Variants in USP19 observed in about 807,000 individuals in gnomAD.
USP19 encodes ubiquitin carboxyl-terminal hydrolase 19.
Under a neutral mutation model 144.8 loss-of-function variants are expected in USP19, and 40 were observed. That is an observed-to-expected ratio of 0.28 (90% CI 0.21 to 0.36). The LOEUF is 0.36. Ranked by LOEUF, USP19 falls within the 10% of genes least tolerant of loss-of-function variation. The pLI, the probability that USP19 is intolerant of heterozygous loss-of-function variation, is 1.00. For synonymous variants in USP19, 701 were observed against 709.3 expected (o/e 0.99, Z 0.19); for missense variants, 1,518 against 1,822.5 (o/e 0.83, Z 3.04).
rs1276510905 is a variant in USP19 at position 49,115,130 on chromosome 3, G to A, written c.2023-13C>T. The A allele has an allele frequency of 6.2e-7, 1 of 1,613,392 alleles. No homozygotes were observed. Among genetic ancestry groups the A allele is most frequent in the South Asian group, 1.1e-5 (1 of 91,078 alleles). On this transcript the variant is annotated splice_polypyrimidine_tract_variant and intron_variant, in intron 13 of 26. Coordinates refer to ENST00000417901, the MANE Select transcript of USP19 (RefSeq NM_001199161.2). This position sits in a 1 kb window ranked among gnomAD's most constrained non-coding sequence, Gnocchi z 6.6. The stretch of plus-strand genomic sequence containing the variant: ...TCGCCACAATGGCCTGGATACAGGA[G>A]CCAAGGTGTGAACATGAAGCCCTAG...
At position 49,114,364 on chromosome 3, in the gene USP19, G is replaced by A; in HGVS notation, c.2293-80C>T. ...CTCATGCTCAGAGAGCCCATTCCGGGGCTTCTGATGGCTCTCAGGGCCCCC... is the reference window on the plus strand; with the variant it reads ...CTCATGCTCAGAGAGCCCATTCCGGAGCTTCTGATGGCTCTCAGGGCCCCC... On this transcript the variant is annotated intron_variant, in intron 15 of 26. Coordinates refer to ENST00000417901, the MANE Select transcript of USP19 (RefSeq NM_001199161.2). The surrounding 1 kb of genome is among the most constrained non-coding windows in gnomAD (Gnocchi z 4.5). 2 of 1,370,100 alleles carry A rather than the reference G, an allele frequency of 1.5e-6. No individual in the cohort carries two copies. The highest frequency in any genetic ancestry group is 2.0e-6 in the Non-Finnish European group (2 of 982,354). 84.9% of individuals were successfully genotyped at this position (1,370,100 alleles called of 1,614,324 possible). A position where few individuals can be genotyped will look rare whatever the true frequency, so the allele number is the denominator to read the frequency against.
chr3:49,113,965 T>C, intron 17 of USP19, 27 bp downstream of exon 17: 12 of 1,611,048 alleles, frequency 7.4e-6, no homozygotes, highest in Non-Finnish European at 1.0e-5. Flanking sequence ...TCCACACATG[T>C]GATAGCCCAA....
At position 49,108,845 on chromosome 3, in the gene USP19, C is replaced by G; in HGVS notation, c.4039-317G>C. On this transcript the variant is annotated intron_variant, in intron 26 of 26. Transcript: ENST00000417901. The surrounding 1 kb of genome is among the most constrained non-coding windows in gnomAD (Gnocchi z 4.8). The stretch of plus-strand genomic sequence containing the variant: ...GGGGCCACAACCTCCCCACCCTCTC[C>G]CACCAGATGCATAAGCTGAGGCCCA... 2.7e-6 allele frequency: 4 copies of G among 1,457,950 alleles called. No homozygotes were observed. Among genetic ancestry groups the G allele is most frequent in the Non-Finnish European group, 3.6e-6 (4 of 1,103,656 alleles). 90.3% of individuals were successfully genotyped at this position (1,457,950 alleles called of 1,614,324 possible).
chr3:49,114,165 A>C lies in USP19; in HGVS notation c.2403+9T>G. ...AGAACAGCCCAGAGGGTAGGGGCTTACTCCTCACCTTGATGGGCTTGCTGT... is the reference window on the plus strand; with the variant it reads ...AGAACAGCCCAGAGGGTAGGGGCTTCCTCCTCACCTTGATGGGCTTGCTGT... On this transcript the variant is annotated intron_variant, in intron 16 of 26. Transcript: ENST00000417901. The surrounding 1 kb of genome is among the most constrained non-coding windows in gnomAD (Gnocchi z 4.5). 1 of 1,614,030 alleles carries C rather than the reference A, an allele frequency of 6.2e-7. No individual in the cohort carries two copies. Among genetic ancestry groups the C allele is most frequent in the Non-Finnish European group, 8.5e-7 (1 of 1,179,954 alleles).
Position 49,108,653 on chromosome 3 carries a change from G to C in USP19, c.4039-125C>G. The C allele has an allele frequency of 7.8e-7, 1 of 1,281,786 alleles. No homozygotes were observed. Among genetic ancestry groups the C allele is most frequent in the South Asian group, 2.5e-5 (1 of 40,206 alleles). The allele number at this position is 1,281,786 out of a possible 1,614,324, so 79.4% of individuals were successfully genotyped here. A position where few individuals can be genotyped will look rare whatever the true frequency, so the allele number is the denominator to read the frequency against. ...CAAGGCAGGCGCAGACAGCAGCGGC[G>C]TTGAGACAGAGAGACGAGATTGGGC... On this transcript the variant is annotated intron_variant, in intron 26 of 26. Coordinates refer to ENST00000417901, the MANE Select transcript of USP19 (RefSeq NM_001199161.2). The surrounding 1 kb of genome is among the most constrained non-coding windows in gnomAD (Gnocchi z 4.8).
In USP19 at chr3:49,108,467, G is replaced by A. The variant is rs1414642936; in HGVS notation, c.4100C>T (p.Ala1367Val). The A allele has an allele frequency of 7.4e-7, 1 of 1,351,054 alleles. No individual in the cohort carries two copies. The highest frequency in any genetic ancestry group is 9.6e-7 in the Non-Finnish European group (1 of 1,040,370). 83.7% of individuals were successfully genotyped at this position (1,351,054 alleles called of 1,614,324 possible). The change falls in exon 27 of 27, where the codon GCC (alanine) becomes GTC (valine). Residue 1367 changes from alanine (A) to valine (V), a missense_variant. Coordinates refer to ENST00000417901, the MANE Select transcript of USP19 (RefSeq NM_001199161.2). The surrounding 1 kb of genome is among the most constrained non-coding windows in gnomAD (Gnocchi z 4.8). ...GGGGGCTGGCCGATCCACAGGGGGGGCGAAGCGTTCAGGGGCTGTCCGCGT... is the reference window on the plus strand; with the variant it reads ...GGGGGCTGGCCGATCCACAGGGGGGACGAAGCGTTCAGGGGCTGTCCGCGT... ...APTRTAPERF[A>V]PPVDRPAPTY...
chr3:49,111,506 G>A lies in USP19; in HGVS notation c.3211C>T (p.Pro1071Ser). Residue 1071 changes from proline to serine, a missense_variant, in exon 21 of 27, where the codon CCC becomes TCC. Transcript: ENST00000417901. This position sits in a 1 kb window ranked among gnomAD's most constrained non-coding sequence, Gnocchi z 5.9. ...SLPAGERVSR[P>S]EAAVPGYQHP... Reference sequence around the variant, plus strand: ...GCCTTTCACTGGATCTTACCTTCGGGTCGGGACACCCTCTCGCCAGCTGGC... The same window carrying A: ...GCCTTTCACTGGATCTTACCTTCGGATCGGGACACCCTCTCGCCAGCTGGC... The A allele has an allele frequency of 3.7e-6, 6 of 1,611,472 alleles. No individual in the cohort carries two copies. Among genetic ancestry groups the A allele is most frequent in the Non-Finnish European group, 5.1e-6 (6 of 1,179,844 alleles).
In USP19 at chr3:49,115,120, G is replaced by A. The variant is rs373285608; in HGVS notation, c.2023-3C>T. On this transcript the variant is annotated splice_polypyrimidine_tract_variant and splice_region_variant and intron_variant, in intron 13 of 26. Transcript: ENST00000417901. The surrounding 1 kb of genome is among the most constrained non-coding windows in gnomAD (Gnocchi z 6.6). Reference sequence around the variant, plus strand: ...CTGGCCTTACTCGCCACAATGGCCTGGATACAGGAGCCAAGGTGTGAACAT... The same window carrying A: ...CTGGCCTTACTCGCCACAATGGCCTAGATACAGGAGCCAAGGTGTGAACAT... 4 of 1,613,524 alleles carry A rather than the reference G, an allele frequency of 2.5e-6. No homozygotes were observed. The highest frequency in any genetic ancestry group is 1.3e-5 in the African/African-American group (1 of 74,908).
At position 49,112,993 on chromosome 3, in the gene USP19, C is replaced by T. The variant is rs917563178; in HGVS notation, c.2506-364G>A. ...TTACCCCTAAGAAAACCAACACTGT[C>T]AGGCTAAAGGCTAGGAACCCCTGGG... On this transcript the variant is annotated intron_variant, in intron 17 of 26. Transcript: ENST00000417901. This position sits in a 1 kb window ranked among gnomAD's most constrained non-coding sequence, Gnocchi z 4.9. Among the ~76,000 whole-genome samples the T allele has an allele frequency of 6.6e-6, 1 of 152,190 alleles. No homozygotes were observed. The highest frequency in any genetic ancestry group is 1.5e-5 in the Non-Finnish European group (1 of 68,030).
chr3:49,116,392 G>C lies in USP19; in HGVS notation c.1284-41C>G. The C allele has an allele frequency of 6.2e-7, 1 of 1,614,068 alleles. No individual in the cohort carries two copies. On this transcript the variant is annotated intron_variant, in intron 8 of 26. Coordinates refer to ENST00000417901, the MANE Select transcript of USP19 (RefSeq NM_001199161.2). The surrounding 1 kb of genome is among the most constrained non-coding windows in gnomAD (Gnocchi z 5.0). ...AGGATAGGAGGAAGGACAAGAGGAA[G>C]AGCATGAGACATACTGTCCCACCTG...
At position 49,108,868 on chromosome 3, in the gene USP19, C is replaced by A; in HGVS notation, c.4039-340G>T. On this transcript the variant is annotated intron_variant, in intron 26 of 26. Transcript: ENST00000417901. The surrounding 1 kb of genome is among the most constrained non-coding windows in gnomAD (Gnocchi z 4.8). Reference sequence around the variant, plus strand: ...TCCCACCAGATGCATAAGCTGAGGCCCAAAGCCCAGAGGTGTTCCCCACAA... The same window carrying A: ...TCCCACCAGATGCATAAGCTGAGGCACAAAGCCCAGAGGTGTTCCCCACAA... 1 of 1,483,072 alleles carries A rather than the reference C, an allele frequency of 6.7e-7. No homozygotes were observed. The highest frequency in any genetic ancestry group is 9.0e-7 in the Non-Finnish European group (1 of 1,115,752). 91.9% of individuals were successfully genotyped at this position (1,483,072 alleles called of 1,614,324 possible).
Position 49,116,212 on chromosome 3 carries a change from T to C in USP19, c.1356-50A>G, listed in dbSNP as rs762820721. ...GACTTAGGAGGAATGAGCATCAGGA[T>C]AGATGAGCCAGGGAGATGGAGCCCA... On this transcript the variant is annotated intron_variant, in intron 9 of 26. Transcript: ENST00000417901. The surrounding 1 kb of genome is among the most constrained non-coding windows in gnomAD (Gnocchi z 5.0). 1.2e-6 allele frequency: 2 copies of C among 1,613,688 alleles called. No homozygotes were observed. Among genetic ancestry groups the C allele is most frequent in the South Asian group, 1.1e-5 (1 of 91,072 alleles).
intron 2 of USP19, 131 bp downstream of exon 2, chr3:49,118,891 G>A: frequency 7.2e-7 from 1 of 1,392,372 alleles, no homozygotes; most frequent in South Asian, 1.4e-5. Context: ...GGTTATCATG[G>A]GTCCTTCTTC....
rs1480074923 is a variant in USP19 at position 49,112,119 on chromosome 3, A to G, written c.2766-71T>C. On this transcript the variant is annotated intron_variant, in intron 19 of 26. Coordinates refer to ENST00000417901, the MANE Select transcript of USP19 (RefSeq NM_001199161.2). This position sits in a 1 kb window ranked among gnomAD's most constrained non-coding sequence, Gnocchi z 4.9. ...TATGACTCCATACTGGGGGCTAGTC[A>G]TAGTCCCTGGGAACTGGGTACGCCA... 1.3e-6 allele frequency: 2 copies of G among 1,583,756 alleles called. No individual in the cohort carries two copies. Among genetic ancestry groups the G allele is most frequent in the African/African-American group, 2.7e-5 (2 of 74,312 alleles).
chr3:49,111,722 C>G lies in USP19; in HGVS notation c.2995G>C (p.Gly999Arg). The G allele has an allele frequency of 6.3e-7, 1 of 1,579,104 alleles. No homozygotes were observed. The highest frequency in any genetic ancestry group is 8.6e-7 in the Non-Finnish European group (1 of 1,162,002). The change falls in exon 21 of 27, where the codon GGT becomes CGT. Residue 999 changes from glycine to arginine, a missense_variant. Gly to Arg is a moderately radical substitution (Grantham distance 125). This residue lies in a region of USP19 where 413 missense variants were observed against 515.8 expected (regional missense o/e 0.80). Transcript: ENST00000417901. This position sits in a 1 kb window ranked among gnomAD's most constrained non-coding sequence, Gnocchi z 5.9. ...SPGCTTLLSTGSLEAGDSERD... is the reference protein window; with the variant it reads ...SPGCTTLLSTRSLEAGDSERD... The stretch of plus-strand genomic sequence containing the variant: ...TCGCTGTCCCCAGCCTCCAGGGAAC[C>G]TGTGGAGAGCAGTGTGGTGCAGCCA...
At position 49,117,935 on chromosome 3, in the gene USP19, T is replaced by C; in HGVS notation, c.298+12A>G. On this transcript the variant is annotated intron_variant, in intron 3 of 26. Coordinates refer to ENST00000417901, the MANE Select transcript of USP19 (RefSeq NM_001199161.2). The surrounding 1 kb of genome is among the most constrained non-coding windows in gnomAD (Gnocchi z 4.4). ...CCCTTCCCTAGCAACAAAAAGCCCA[T>C]TCGTTACTGACCCTCTTTGGTCTGC... 1.2e-6 allele frequency: 2 copies of C among 1,612,990 alleles called. No individual in the cohort carries two copies. Among genetic ancestry groups the C allele is most frequent in the Admixed American group, 3.4e-5 (2 of 59,524 alleles).
Position 49,117,420 on chromosome 3 carries a change from G to C in USP19, c.606+17C>G. On this transcript the variant is annotated intron_variant, in intron 5 of 26. Coordinates refer to ENST00000417901, the MANE Select transcript of USP19 (RefSeq NM_001199161.2). This position sits in a 1 kb window ranked among gnomAD's most constrained non-coding sequence, Gnocchi z 4.4. ...TACACTGGTATCCCTACCCAACCCT[G>C]TACTACTAGAACTCACCAGGAGGGA... 6.2e-7 allele frequency: 1 copy of C among 1,613,906 alleles called. No homozygotes were observed. Among genetic ancestry groups the C allele is most frequent in the Non-Finnish European group, 8.5e-7 (1 of 1,179,884 alleles).
In USP19 at chr3:49,118,104, A is replaced by G. The variant is rs372861841; in HGVS notation, c.141T>C (p.Tyr47=). The G allele has an allele frequency of 6.6e-6, 9 of 1,363,632 alleles. No homozygotes were observed. Among genetic ancestry groups the G allele is most frequent in the African/African-American group, 5.9e-5 (4 of 68,174 alleles). 84.5% of individuals were successfully genotyped at this position (1,363,632 alleles called of 1,614,324 possible). A position where few individuals can be genotyped will look rare whatever the true frequency, so the allele number is the denominator to read the frequency against. The change falls in exon 3 of 27, where the codon TAT becomes TAC. Residue 47 remains tyrosine, a synonymous_variant. Coordinates refer to ENST00000417901, the MANE Select transcript of USP19 (RefSeq NM_001199161.2). ...GAGGTTCAAGACCAGCCTGGGCAAC[A>G]TATCGAGACCCTGTCTCTAAAAAAA... ...GDPRKETGSR[Y]VAQAGLEPLA...
Position 49,108,377 on chromosome 3 carries a change from C to T in USP19, c.*35G>A, listed in dbSNP as rs2042643844. On this transcript the variant is annotated 3_prime_UTR_variant, in exon 27 of 27. Coordinates refer to ENST00000417901, the MANE Select transcript of USP19 (RefSeq NM_001199161.2). The surrounding 1 kb of genome is among the most constrained non-coding windows in gnomAD (Gnocchi z 4.8). ...AGGAGCTGGCCCTCTGTGTGGGTGT[C>T]CCAAACCCAGTCCCCCCCATCAGCC... 2 of 915,492 alleles carry T rather than the reference C, an allele frequency of 2.2e-6. No homozygotes were observed. Among genetic ancestry groups the T allele is most frequent in the Non-Finnish European group, 1.6e-6 (1 of 633,684 alleles). The allele number at this position is 915,492 out of a possible 1,614,324, so 56.7% of individuals were successfully genotyped here.
Sources: gnomAD v4.1 joint callset for allele counts (sites outside exome capture counted in the v4.1 genomes callset) on GRCh38, gnomAD v4.1.1 for gene constraint, gnomAD v4.1.1 regional missense constraint, Gnocchi (gnomAD v3.1) non-coding constraint, MANE v1.5 for transcripts, NCBI Gene and HGNC (gene_info 2026-07-23, HGNC 2026-07-21) for gene names.